REV3L: variants seen among roughly 807,000 people sequenced by gnomAD.
REV3L encodes DNA polymerase zeta catalytic subunit.
REV3L carries 69 observed loss-of-function variants against 299.4 expected under a neutral mutation model. The ratio of observed to expected loss-of-function variants is 0.23; its 90% CI spans 0.19 to 0.28. REV3L has a LOEUF of 0.28. Ranked by LOEUF, REV3L falls within the 10% of genes least tolerant of loss-of-function variation. REV3L has a pLI of 1.00. For missense variants in REV3L, 3,128 were observed against 3,693.8 expected, an observed-to-expected ratio of 0.85 and a Z score of 3.97; for synonymous variants, 1,238 against 1,271.4, an observed-to-expected ratio of 0.97 and a Z score of 0.56.
intron 1 of REV3L, among the ~76,000 whole-genome samples, chr6:111,424,944 A>T (rs1168659166): frequency 6.6e-6 from 1 of 152,202 alleles, no homozygotes; most frequent in Non-Finnish European, 1.5e-5. Context: ...GGCTTGGAAA[A>T]GCTTTGATAC....
intron 31 of REV3L, among the ~76,000 whole-genome samples, chr6:111,302,343 C>T (rs894708580): frequency 2.0e-5 from 3 of 152,204 alleles, no homozygotes; most frequent in Non-Finnish European, 4.4e-5. Flanking sequence ...CCAGGACAAA[C>T]TGATAAATAT....
chr6:111,446,252 G>A lies in REV3L; in HGVS notation c.140-29780C>T, dbSNP rs539338275. Among the ~76,000 whole-genome samples, 4 of 152,260 alleles carry A rather than the reference G, an allele frequency of 2.6e-5. No individual in the cohort carries two copies. In the East Asian group the frequency reaches 7.7e-4, roughly 29 times the overall value. ...GCTAAATTTTAAAACAGATCCTGCT[G>A]CTCCATAATCAATATGATTCTATTA... On this transcript the variant is annotated intron_variant, in intron 1 of 31. Transcript: ENST00000368802.
rs1431428219 is a variant in REV3L, at chr6:111,416,393, T to C, written c.219A>G (p.Glu73=). 1 of 1,613,886 alleles carries C rather than the reference T, an allele frequency of 6.2e-7. No individual in the cohort carries two copies. The stretch of plus-strand genomic sequence containing the variant: ...TGAATGCCATCTGAGAAAGATAGCT[T>C]TCTGGCTGCTGTCCATAACCATCGT... ...VPYDGYGQQP[E]SYLSQMAFSI... The change falls in exon 2 of 32, where the codon GAA becomes GAG. Residue 73 remains glutamate (E), a synonymous_variant. Coordinates refer to ENST00000368802, the MANE Select transcript of REV3L (RefSeq NM_001372078.1).
intron 11 of REV3L, 129 bp downstream of exon 11, chr6:111,379,853 G>A (rs909016043): frequency 6.7e-5 from 46 of 682,374 alleles, no homozygotes; most frequent in Non-Finnish European, 9.9e-5. Flanking sequence ...GATCACTAAA[G>A]GGGAATTTTA....
chr6:111,386,702 G>A (rs1407744904), intron 9 of REV3L, among the ~76,000 whole-genome samples: 3 of 146,232 alleles, frequency 2.1e-5, no homozygotes, highest in Admixed American at 6.9e-5. Flanking sequence ...ATGCTTTACT[G>A]CTTATAACAG....
At chr6:111,444,163 T>C (rs980178990) in intron 1 of REV3L, among the ~76,000 whole-genome samples, 7 of 152,146 alleles carry the variant, frequency 4.6e-5, no homozygotes, top group African/African-American at 1.7e-4. Context: ...AAAACACAGG[T>C]TCATAAAACT....
intron 24 of REV3L, among the ~76,000 whole-genome samples, chr6:111,330,735 G>A (rs1158970679): frequency 6.6e-6 from 1 of 151,996 alleles, no homozygotes; most frequent in Non-Finnish European, 1.5e-5. Flanking sequence ...GACCAAATTC[G>A]CAGAAATGTG....
At chr6:111,475,503 T>C (rs1467816423) in intron 1 of REV3L, among the ~76,000 whole-genome samples, 1 of 152,216 alleles carries the variant, frequency 6.6e-6, no homozygotes, top group Non-Finnish European at 1.5e-5. Context: ...CATTTTCTCT[T>C]CTCACCTTTC....
At chr6:111,328,771 G>A (rs1023305611) in intron 25 of REV3L, among the ~76,000 whole-genome samples, 1 of 152,056 alleles carries the variant, frequency 6.6e-6, no homozygotes, top group Non-Finnish European at 1.5e-5. Flanking sequence ...TGCTGCTTTA[G>A]TCTCTTTTTT....
intron 16 of REV3L, among the ~76,000 whole-genome samples, chr6:111,360,202 T>C (rs1778504056): frequency 6.6e-6 from 1 of 152,110 alleles, no homozygotes; most frequent in Admixed American, 6.6e-5. Context: ...GATCTGTATG[T>C]CCTAATATAA....
Position 111,375,660 on chromosome 6 carries a change from A to C in REV3L, c.2695T>G (p.Phe899Val). The C allele has an allele frequency of 6.2e-7, 1 of 1,614,008 alleles. No homozygotes were observed. The highest frequency in any genetic ancestry group is 8.5e-7 in the Non-Finnish European group (1 of 1,179,928). ...TPTDGFIDCHFGDGTLETEQS... is the reference protein window; with the variant it reads ...TPTDGFIDCHVGDGTLETEQS... ...TCAGTTTCTAACGTTCCATCTCCAA[A>C]GTGACAGTCTATAAAACCATCTGTG... The change falls in exon 13 of 32, where the codon TTT becomes GTT. Residue 899 changes from phenylalanine to valine, a missense_variant. This residue lies in a region of REV3L where 2,409 missense variants were observed against 2,611.8 expected (regional missense o/e 0.92). Transcript: ENST00000368802.
At chr6:111,382,226 G>C (rs769595138) in intron 9 of REV3L, among the ~76,000 whole-genome samples, 1 of 152,082 alleles carries the variant, frequency 6.6e-6, no homozygotes, top group Non-Finnish European at 1.5e-5. Context: ...ACCCACACAA[G>C]AAAGCGCCTT....
chr6:111,302,586 A>G (rs1287550685), intron 31 of REV3L, among the ~76,000 whole-genome samples: 2 of 152,124 alleles, frequency 1.3e-5, no homozygotes, highest in Non-Finnish European at 2.9e-5. Flanking sequence ...TCTTTTTACT[A>G]TCCTTTGGCT....
chr6:111,346,685 T>C (rs1445894610), intron 20 of REV3L, among the ~76,000 whole-genome samples: 1 of 152,190 alleles, frequency 6.6e-6, no homozygotes, highest in African/African-American at 2.4e-5. Context: ...AGCTCATAAC[T>C]TTCTTACAGT....
Position 111,368,618 on chromosome 6 carries a change from C to T in REV3L, c.5760-590G>A, listed in dbSNP as rs182561703. On this transcript the variant is annotated intron_variant, in intron 13 of 31. Transcript: ENST00000368802. ...AACACTGACATAACTTAGGAGCTGG[C>T]AGAGCCCACAGGATGCATGGCTTAA... 3.2e-3 allele frequency among the ~76,000 whole-genome samples: 492 copies of T among 152,160 alleles called. 5 individuals are homozygous for T. Among genetic ancestry groups the T allele is most frequent in the African/African-American group, 0.011 (467 of 41,506 alleles).
chr6:111,483,458 T>G (rs1794023753), upstream of REV3L: 6 of 429,068 alleles, frequency 1.4e-5, no homozygotes, highest in South Asian at 2.3e-5. Context: ...CACGGTCACC[T>G]GGGTGAGGGG....
intron 20 of REV3L, among the ~76,000 whole-genome samples, chr6:111,346,640 T>A (rs1238206570): frequency 6.6e-6 from 1 of 152,170 alleles, no homozygotes; most frequent in East Asian, 1.9e-4. Context: ...TGTGCCACTG[T>A]ACCCAGTTCC....
chr6:111,341,556 C>T (rs931455145), intron 21 of REV3L, among the ~76,000 whole-genome samples: 3 of 152,188 alleles, frequency 2.0e-5, no homozygotes, highest in African/African-American at 7.2e-5. Flanking sequence ...TCAGTAAGTA[C>T]AGATTCACTC....
intron 1 of REV3L, among the ~76,000 whole-genome samples, chr6:111,475,395 G>A (rs1010470539): frequency 6.6e-6 from 1 of 152,142 alleles, no homozygotes; most frequent in Non-Finnish European, 1.5e-5. Flanking sequence ...TTACTAGAAC[G>A]AAATAAATCT....
Sources: allele counts gnomAD v4.1 joint callset (sites outside exome capture counted in the v4.1 genomes callset), GRCh38; gene constraint gnomAD v4.1.1; regional missense constraint gnomAD v4.1.1; transcripts MANE v1.5; gene names NCBI Gene and HGNC (gene_info 2026-07-23, HGNC 2026-07-21).